The following DPH6 variants were observed in gnomAD, a reference collection of about 807,000 sequenced individuals.
DPH6 encodes diphthine--ammonia ligase.
DPH6 carries 33 observed loss-of-function variants against 38.2 expected under a neutral mutation model. The ratio of observed to expected loss-of-function variants is 0.86; its 90% CI spans 0.65 to 1.15. The LOEUF (loss-of-function observed/expected upper bound fraction) is 1.15. DPH6 is among the 50% of genes most tolerant of loss of function. DPH6 has a pLI of 0.00. For synonymous variants in DPH6, 108 were observed against 103.0 expected (o/e 1.05, Z -0.30); for missense variants, 325 against 320.0 (o/e 1.02, Z -0.12).
chr15:35,313,083 A>T (rs891539780), intron 3 of DPH6, among the ~76,000 whole-genome samples: 1 of 151,892 alleles, frequency 6.6e-6, no homozygotes, highest in Non-Finnish European at 1.5e-5. Context: ...CAAAAAAAAA[A>T]TTATCTGGGT....
At chr15:35,193,055 C>T in the DPH6 span, among the ~76,000 whole-genome samples, 5 of 152,118 alleles carry the variant, frequency 3.3e-5, no homozygotes, top group African/African-American at 1.2e-4. Flanking sequence ...AAAGAGAATG[C>T]CTCACACATT....
At chr15:35,478,987 A>G (rs1230886082) in intron 3 of DPH6, among the ~76,000 whole-genome samples, 1 of 152,100 alleles carries the variant, frequency 6.6e-6, no homozygotes, top group Admixed American at 6.6e-5. Flanking sequence ...TGAAAAGAAC[A>G]GAAAATTATC....
rs77055273 is a variant in DPH6 at position 35,237,208 on chromosome 15, G to A, written n.201-16626C>T. Reference sequence around the variant, plus strand: ...GACCATTGAGGTTAGCGTGTGCCGGGGGTGCTGGGGGCTCGAGAACTGAGC... The same window carrying A: ...GACCATTGAGGTTAGCGTGTGCCGGAGGTGCTGGGGGCTCGAGAACTGAGC... On this transcript the variant is annotated intron_variant and non_coding_transcript_variant, in intron 3 of 3. Coordinates refer to the DPH6 transcript ENST00000560386. The A allele has an allele frequency of 1.7e-4, 143 of 836,668 alleles. No individual in the cohort carries two copies. In the East Asian group the frequency reaches 3.1e-3, roughly 18 times the overall value. The allele number at this position is 836,668 out of a possible 1,614,324, so 51.8% of individuals were successfully genotyped here.
chr15:35,258,182 T>C (rs963874540), intron 3 of DPH6, among the ~76,000 whole-genome samples: 2 of 152,178 alleles, frequency 1.3e-5, no homozygotes, highest in Admixed American at 6.5e-5. Flanking sequence ...AATGAAAAGA[T>C]TGTCTTTTTG....
chr15:35,422,046 G>T (rs977997107), intron 5 of DPH6, among the ~76,000 whole-genome samples: 8 of 151,846 alleles, frequency 5.3e-5, no homozygotes, highest in Admixed American at 5.3e-4. Flanking sequence ...GACAGAAAAG[G>T]GAATAATGAG....
At chr15:35,355,821 A>C (rs975104636) in intron 3 of DPH6, among the ~76,000 whole-genome samples, 9 of 152,148 alleles carry the variant, frequency 5.9e-5, no homozygotes, top group African/African-American at 2.2e-4. Context: ...CTGAATTTGA[A>C]TGTTGGCCTG....
Position 35,372,205 on chromosome 15 carries a change from TAA to T in DPH6, c.751-4_751-3del, listed in dbSNP as rs141638132. Reference sequence around the variant, plus strand: ...GTAGTTGTCAGGCACTGAGGACACCTAAAAAAAAAAGGGAAGGAAAGGGAAGG... The same window carrying T: ...GTAGTTGTCAGGCACTGAGGACACCTAAAAAAAAGGGAAGGAAAGGGAAGG... On this transcript the variant is annotated splice_polypyrimidine_tract_variant and splice_region_variant and intron_variant, in intron 8 of 8. Coordinates refer to ENST00000256538, the MANE Select transcript of DPH6 (RefSeq NM_080650.4). The T allele has an allele frequency of 1.5e-4, 201 of 1,323,214 alleles. No homozygotes were observed. Among genetic ancestry groups the T allele is most frequent in the South Asian group, 6.6e-4 (41 of 61,742 alleles). The allele number at this position is 1,323,214 out of a possible 1,614,324, so 82.0% of individuals were successfully genotyped here. A position where few individuals can be genotyped will look rare whatever the true frequency, so the allele number is the denominator to read the frequency against.
chr15:35,389,213 T>C (rs2140954336), intron 6 of DPH6, among the ~76,000 whole-genome samples: 1 of 152,324 alleles, frequency 6.6e-6, no homozygotes, highest in East Asian at 1.9e-4. Context: ...AGACAGTTTG[T>C]TATAATTTCT....
intron 3 of DPH6, among the ~76,000 whole-genome samples, chr15:35,286,398 AT>A (rs1353750429): frequency 6.6e-6 from 1 of 152,324 alleles, no homozygotes; most frequent in Non-Finnish European, 1.5e-5. Flanking sequence ...ATACCTCTTG[AT>A]TAAATCATTG....
Position 35,505,657 on chromosome 15 carries a change from G to C in DPH6, c.312+32617C>G, listed in dbSNP as rs2054684737. 2.0e-5 allele frequency among the ~76,000 whole-genome samples: 3 copies of C among 151,986 alleles called. No individual in the cohort carries two copies. In the South Asian group the frequency reaches 6.2e-4, roughly 32 times the overall value. ...ATGGGCTGGTCTAAAGTTCAGGGTTGAAAATAATTCAACTTTTAATACGTG... is the reference window on the plus strand; with the variant it reads ...ATGGGCTGGTCTAAAGTTCAGGGTTCAAAATAATTCAACTTTTAATACGTG... On this transcript the variant is annotated intron_variant, in intron 3 of 8. Transcript: ENST00000256538.
intron 6 of DPH6, among the ~76,000 whole-genome samples, chr15:35,388,924 T>C (rs2053012386): frequency 1.3e-5 from 2 of 152,184 alleles, no homozygotes; most frequent in Non-Finnish European, 1.5e-5. Flanking sequence ...GTTCTTTTAA[T>C]TGTGATGTTA....
intron 3 of DPH6, among the ~76,000 whole-genome samples, chr15:35,336,875 A>C (rs1325297578): frequency 6.6e-6 from 1 of 152,068 alleles, no homozygotes; most frequent in African/African-American, 2.4e-5. Flanking sequence ...TTTTTGCATC[A>C]ATGTTCATCA....
At chr15:35,154,209 T>A in the DPH6 span, among the ~76,000 whole-genome samples, 4 of 152,142 alleles carry the variant, frequency 2.6e-5, no homozygotes, top group African/African-American at 9.7e-5. Context: ...GATAAATGCA[T>A]GCGGTGATGA....
chr15:35,354,417 T>G (rs559842959), intron 3 of DPH6, among the ~76,000 whole-genome samples: 2 of 152,328 alleles, frequency 1.3e-5, no homozygotes, highest in Admixed American at 6.5e-5. Context: ...GGCTGTGGGT[T>G]TGTCATAGAT....
Position 35,359,363 on chromosome 15 carries a change from C to A in DPH6, n.207+14158G>T, listed in dbSNP as rs180982172. Among the ~76,000 whole-genome samples the A allele has an allele frequency of 3.7e-4, 57 of 152,316 alleles. No homozygotes were observed. The East Asian group carries it at 0.011, about 28-fold the overall frequency. On this transcript the variant is annotated intron_variant and non_coding_transcript_variant, in intron 3 of 3. Transcript: ENST00000558973. ...TTCCCCTGCCTGTGGAGTCTGCACA[C>A]CAGATTCGCGCCCTTCCCCAAGTTC...
At chr15:35,476,410 A>C (rs560193563) in intron 3 of DPH6, among the ~76,000 whole-genome samples, 1 of 151,990 alleles carries the variant, frequency 6.6e-6, no homozygotes, top group Non-Finnish European at 1.5e-5. Flanking sequence ...TAAATGAAAT[A>C]TGGTCTCACT....
At chr15:35,331,518 T>C (rs961968498) in intron 3 of DPH6, among the ~76,000 whole-genome samples, 2 of 152,198 alleles carry the variant, frequency 1.3e-5, no homozygotes, top group African/African-American at 4.8e-5. Context: ...GTGCTATAAG[T>C]TATTGGAAGA....
intron 3 of DPH6, among the ~76,000 whole-genome samples, chr15:35,536,206 G>T (rs1467352704): frequency 6.6e-6 from 1 of 151,464 alleles, no homozygotes; most frequent in Non-Finnish European, 1.5e-5. Flanking sequence ...GACCTCCACT[G>T]GAATCTTTGC....
chr15:35,168,500 C>G, the DPH6 span, among the ~76,000 whole-genome samples: 1 of 151,882 alleles, frequency 6.6e-6, no homozygotes, highest in Admixed American at 6.6e-5. Flanking sequence ...GCAGTTTTTA[C>G]TGATGATAAT....
Sources: allele counts gnomAD v4.1 joint callset (sites outside exome capture counted in the v4.1 genomes callset), GRCh38; gene constraint gnomAD v4.1.1; transcripts MANE v1.5; gene names NCBI Gene and HGNC (gene_info 2026-07-23, HGNC 2026-07-21).